IL20RA: variants seen among roughly 807,000 people sequenced by gnomAD.
IL20RA encodes the protein interleukin 20 receptor subunit alpha, also known as interleukin-20 receptor subunit alpha.
A neutral mutation model predicts 36.5 loss-of-function variants in IL20RA; 29 were observed. That is an observed-to-expected ratio of 0.79 (90% CI 0.59 to 1.08). The LOEUF (loss-of-function observed/expected upper bound fraction) is 1.08. Ranked by LOEUF, IL20RA falls within the 50% of genes least tolerant of loss-of-function variation. The pLI is 0.00. For missense variants in IL20RA, 652 were observed against 668.4 expected, an observed-to-expected ratio of 0.98 and a Z score of 0.27; for synonymous variants, 279 against 267.1, an observed-to-expected ratio of 1.04 and a Z score of -0.43.
intron 1 of IL20RA, among the ~76,000 whole-genome samples, chr6:137,043,778 T>C (rs1776795518): frequency 1.3e-5 from 2 of 152,200 alleles, no homozygotes. Context: ...AGAAGCTTTG[T>C]TGTTGTTTTT....
chr6:137,033,433 C>A (rs1324600584), intron 1 of IL20RA, among the ~76,000 whole-genome samples: 1 of 152,130 alleles, frequency 6.6e-6, no homozygotes, highest in Non-Finnish European at 1.5e-5. Context: ...GGTGATTGGA[C>A]CATGGGGGTG....
intron 2 of IL20RA, among the ~76,000 whole-genome samples, chr6:137,014,338 C>T (rs898816693): frequency 1.3e-5 from 2 of 151,934 alleles, no homozygotes; most frequent in African/African-American, 4.8e-5. Context: ...AACCCATTAC[C>T]CTGGAACATT....
intron 1 of IL20RA, among the ~76,000 whole-genome samples, chr6:137,041,106 C>A: frequency 6.6e-6 from 1 of 152,208 alleles, no homozygotes; most frequent in South Asian, 2.1e-4. Flanking sequence ...CTTGAGGAAA[C>A]TTTACATGAA....
chr6:137,005,874 T>G (rs1381525012), intron 5 of IL20RA, among the ~76,000 whole-genome samples: 2 of 152,180 alleles, frequency 1.3e-5, no homozygotes, highest in Non-Finnish European at 2.9e-5. Flanking sequence ...AGCCTGCCTA[T>G]CCTATAAATT....
intron 1 of IL20RA, among the ~76,000 whole-genome samples, chr6:137,036,953 C>T (rs986846842): frequency 6.6e-6 from 1 of 152,088 alleles, no homozygotes; most frequent in African/African-American, 2.4e-5. Flanking sequence ...CAAAAGAAAA[C>T]CCTGCAAAGT....
At position 137,019,130 on chromosome 6, in the gene IL20RA, CTT is replaced by C. The variant is rs33960934; in HGVS notation, c.89-2029_89-2028del. ...TTCTACAACACTGTATTCTATTTAT[CTT>C]TTTTTTTTTTTTGAGACAGAGTCTC... On this transcript the variant is annotated intron_variant, in intron 1 of 6. Coordinates refer to ENST00000316649, the MANE Select transcript of IL20RA (RefSeq NM_014432.4). 2.1e-3 allele frequency among the ~76,000 whole-genome samples: 295 copies of C among 140,630 alleles called. 1 individual carries two copies. The highest frequency in any genetic ancestry group is 2.5e-3 in the Admixed American group (35 of 14,094). The allele number at this position is 140,630 out of a possible 152,430, so 92.3% of individuals were successfully genotyped here.
intron 1 of IL20RA, among the ~76,000 whole-genome samples, chr6:137,017,972 G>A (rs1775764116): frequency 6.6e-6 from 1 of 152,196 alleles, no homozygotes; most frequent in Non-Finnish European, 1.5e-5. Flanking sequence ...GTGGTAATAT[G>A]TAGGAATCAA....
chr6:137,021,440 A>C (rs1159808368), intron 1 of IL20RA, among the ~76,000 whole-genome samples: 11 of 151,786 alleles, frequency 7.2e-5, no homozygotes, highest in Non-Finnish European at 1.6e-4. Flanking sequence ...CAAGGCAGGT[A>C]GATCACTTGA....
In IL20RA at chr6:137,009,158, A is replaced by G. The variant is rs191726593; in HGVS notation, c.579+159T>C. The stretch of plus-strand genomic sequence containing the variant: ...AAAGAAGATCTGAAGTTAGTTCTGT[A>G]AAATTTCTGTATATAGAACTTTATT... On this transcript the variant is annotated intron_variant, in intron 4 of 6. Transcript: ENST00000316649. The G allele has an allele frequency of 4.8e-5, 33 of 684,044 alleles. No homozygotes were observed. The Admixed American group carries it at 5.2e-4, about 11-fold the overall frequency. The allele number at this position is 684,044 out of a possible 1,614,324, so 42.4% of individuals were successfully genotyped here.
intron 5 of IL20RA, among the ~76,000 whole-genome samples, chr6:137,006,378 C>T (rs560973531): frequency 9.2e-5 from 14 of 152,276 alleles, no homozygotes; most frequent in African/African-American, 3.4e-4. Flanking sequence ...ACACCACCTG[C>T]CCTGCTTGTA....
Position 137,044,746 on chromosome 6 carries a change from C to G in IL20RA, c.-18G>C. The G allele has an allele frequency of 8.2e-7, 1 of 1,214,548 alleles. No homozygotes were observed. Among genetic ancestry groups the G allele is most frequent in the African/African-American group, 1.6e-5 (1 of 63,704 alleles). The allele number at this position is 1,214,548 out of a possible 1,614,324, so 75.2% of individuals were successfully genotyped here. A position where few individuals can be genotyped will look rare whatever the true frequency, so the allele number is the denominator to read the frequency against. On this transcript the variant is annotated 5_prime_UTR_variant, in exon 1 of 7. It removes the in-frame stop codon of an upstream open reading frame in the 5' UTR. Coordinates refer to ENST00000316649, the MANE Select transcript of IL20RA (RefSeq NM_014432.4). ...GCCCGCATGGGCGGCGGGGCTGGGT[C>G]ACATGTCGGGGGGCAGCAGACTGCT...
intron 1 of IL20RA, among the ~76,000 whole-genome samples, chr6:137,036,468 G>A (rs1776497226): frequency 6.6e-6 from 1 of 152,142 alleles, no homozygotes; most frequent in African/African-American, 2.4e-5. Context: ...CAGTATGACT[G>A]GTGTCCTCAT....
intron 1 of IL20RA, among the ~76,000 whole-genome samples, chr6:137,040,215 A>C (rs1049888236): frequency 6.6e-6 from 1 of 152,186 alleles, no homozygotes. Context: ...ATGAAACTTG[A>C]TTGTTAGGTT....
At chr6:137,004,166 T>TTTTTTTG (rs1775185924) in intron 6 of IL20RA, among the ~76,000 whole-genome samples, 1 of 123,260 alleles carries the variant, frequency 8.1e-6, no homozygotes, top group African/African-American at 3.2e-5. Flanking sequence ...AAGCTTTTTT[T>TTTTTTTG]TTTTTTTTTT....
intron 1 of IL20RA, among the ~76,000 whole-genome samples, chr6:137,040,131 G>A (rs1218665778): frequency 6.6e-6 from 1 of 152,092 alleles, no homozygotes; most frequent in Non-Finnish European, 1.5e-5. Flanking sequence ...AGGCAAATAA[G>A]TCTATTGTAG....
intron 6 of IL20RA, among the ~76,000 whole-genome samples, chr6:137,004,269 G>A (rs769696844): frequency 2.0e-5 from 3 of 147,168 alleles, no homozygotes; most frequent in Non-Finnish European, 4.5e-5. Flanking sequence ...TTGGTCTCCC[G>A]GGTTCAAGTG....
chr6:137,004,823 T>C (rs1238436184), intron 5 of IL20RA, 63 bp from the exon 6 acceptor site: 4 of 1,485,682 alleles, frequency 2.7e-6, no homozygotes, highest in Non-Finnish European at 3.6e-6. Context: ...TGATTTGATG[T>C]GATGGGAAAA....
chr6:137,029,440 G>C (rs1487917984), intron 1 of IL20RA, among the ~76,000 whole-genome samples: 2 of 152,210 alleles, frequency 1.3e-5, no homozygotes, highest in East Asian at 3.8e-4. Flanking sequence ...CTGGGAGGCG[G>C]AGGTTGTAGA....
intron 5 of IL20RA, among the ~76,000 whole-genome samples, chr6:137,006,786 A>G (rs1446331307): frequency 1.3e-5 from 2 of 151,844 alleles, no homozygotes; most frequent in African/African-American, 4.8e-5. Flanking sequence ...GCAGTGGCAC[A>G]ATCACGGCTC....
Sources: allele counts gnomAD v4.1 joint callset (sites outside exome capture counted in the v4.1 genomes callset), GRCh38; gene constraint gnomAD v4.1.1; transcripts MANE v1.5; gene names NCBI Gene and HGNC (gene_info 2026-07-23, HGNC 2026-07-21).